DUOX1: variants seen among roughly 807,000 people sequenced by gnomAD.
DUOX1 encodes dual oxidase 1.
Under a neutral mutation model 181.8 loss-of-function variants are expected in DUOX1, and 134 were observed. The ratio of observed to expected loss-of-function variants is 0.74; its 90% CI spans 0.64 to 0.85. DUOX1 has a LOEUF of 0.85. DUOX1 is among the 40% of genes least tolerant of loss of function. DUOX1 has a pLI of 0.00. For missense variants in DUOX1, 1,814 were observed against 2,064.4 expected (o/e 0.88, Z 2.35); for synonymous variants, 798 against 832.5 (o/e 0.96, Z 0.71).
intron 28 of DUOX1, among the ~76,000 whole-genome samples, chr15:45,156,385 T>C (rs1253988018): frequency 2.0e-5 from 3 of 152,226 alleles, no homozygotes; most frequent in Non-Finnish European, 4.4e-5. Context: ...CTGTACAGTA[T>C]ATAAGCTTGT....
intron 28 of DUOX1, among the ~76,000 whole-genome samples, chr15:45,159,935 A>T (rs1897056533): frequency 6.6e-6 from 1 of 152,128 alleles, no homozygotes; most frequent in African/African-American, 2.4e-5. Context: ...TGGGCAAATC[A>T]TTCGAGGTCA....
chr15:45,163,969 G>A lies in DUOX1; in HGVS notation c.4533+51G>A, dbSNP rs766130805. ...TCTTCCTCTTTATCATTTGGGGTCT[G>A]AGCAAAGCTCCCAAACCTTCCCCAT... is the stretch of plus-strand genomic sequence containing the variant. On this transcript the variant is annotated intron_variant, in intron 33 of 33. Coordinates refer to ENST00000389037, the MANE Select transcript of DUOX1 (RefSeq NM_175940.3). 2.2e-5 allele frequency: 35 copies of A among 1,593,206 alleles called. 1 individual carries two copies. The South Asian group carries it at 3.8e-4, about 17-fold the overall frequency.
chr15:45,161,613 T>G, intron 29 of DUOX1, 125 bp from the exon 30 acceptor site: 1 of 846,812 alleles, frequency 1.2e-6, no homozygotes, highest in Non-Finnish European at 1.9e-6. Flanking sequence ...GGTGAGCTTC[T>G]GATGGGGGAG....
Position 45,150,040 on chromosome 15 carries a change from T to C in DUOX1, c.2819-592T>C, listed in dbSNP as rs1295515685. Among the ~76,000 whole-genome samples the C allele has an allele frequency of 4.6e-5, 7 of 152,252 alleles. No individual in the cohort carries two copies. The East Asian group carries it at 1.3e-3, about 29-fold the overall frequency. ...GACCAGGGTCATCTTCAGGCTTGGT[T>C]CAGCACTTGGAAGAAACCCAGAGAT... On this transcript the variant is annotated intron_variant, in intron 21 of 33. Transcript: ENST00000389037.
At chr15:45,159,969 T>A (rs1453642881) in intron 28 of DUOX1, among the ~76,000 whole-genome samples, 2 of 152,108 alleles carry the variant, frequency 1.3e-5, no homozygotes, top group Non-Finnish European at 2.9e-5. Context: ...CTGGCCAACA[T>A]GGTGAAACCC....
chr15:45,150,458 C>T (rs1262287884), intron 21 of DUOX1, 174 bp from the exon 22 acceptor site: 2 of 622,106 alleles, frequency 3.2e-6, no homozygotes, highest in Non-Finnish European at 5.6e-6. Context: ...ATGGCTGGGT[C>T]CAGCTCCCAT....
In DUOX1 at chr15:45,144,895, G is replaced by A. The variant is rs768261181; in HGVS notation, c.2137G>A (p.Val713Met). 10 of 1,608,050 alleles carry A rather than the reference G, an allele frequency of 6.2e-6. No homozygotes were observed. The highest frequency in any genetic ancestry group is 5.1e-5 in the Admixed American group (3 of 59,334). The stretch of plus-strand genomic sequence containing the variant: ...GCTTTTGCTCGGGCTGCCCCCTTAG[G>A]TGCTGCTGTTTAACTTGGAGGAAGA... ...LLKIPKEYDL[V>M]LLFNLEEERQ... Residue 713 changes from valine to methionine, a missense_variant and splice_region_variant, in exon 18 of 34, where the codon GTG becomes ATG. Val to Met is a conservative substitution (Grantham distance 21). Coordinates refer to ENST00000389037, the MANE Select transcript of DUOX1 (RefSeq NM_175940.3).
chr15:45,140,854 G>A, intron 12 of DUOX1, 41 bp from the exon 13 acceptor site: 1 of 1,604,402 alleles, frequency 6.2e-7, no homozygotes, highest in Non-Finnish European at 8.5e-7. Context: ...TAGGGTGGGT[G>A]CCGTGTCCTT....
intron 9 of DUOX1, among the ~76,000 whole-genome samples, 190 bp from the exon 10 acceptor site, chr15:45,137,734 T>G (rs186803936): frequency 1.4e-4 from 22 of 152,182 alleles, no homozygotes; most frequent in Admixed American, 1.4e-3. Flanking sequence ...ATTTTAGATA[T>G]TTGGTCTGAT....
intron 20 of DUOX1, 45 bp from the exon 21 acceptor site, chr15:45,148,227 G>A (rs765727231): frequency 7.4e-6 from 12 of 1,610,868 alleles, no homozygotes; most frequent in East Asian, 6.7e-5. Flanking sequence ...TGTCTGGGTC[G>A]CAGGCCCCAG....
chr15:45,134,349 C>T (rs756337588), intron 4 of DUOX1, 40 bp downstream of exon 4: 12 of 1,553,142 alleles, frequency 7.7e-6, no homozygotes, highest in East Asian at 2.3e-5. Context: ...CCGGTGGGGT[C>T]GGCTGGACAC....
At chr15:45,148,725 G>T (rs1205248943) in intron 21 of DUOX1, among the ~76,000 whole-genome samples, 1 of 152,160 alleles carries the variant, frequency 6.6e-6, no homozygotes. Context: ...TCATAATGCA[G>T]CTCTGCTGGT....
intron 28 of DUOX1, among the ~76,000 whole-genome samples, chr15:45,156,885 TTC>T (rs1896981691): frequency 6.6e-6 from 1 of 152,312 alleles, no homozygotes; most frequent in East Asian, 1.9e-4. Context: ...CCCGAGCTGA[TTC>T]TGTGTCCCTG....
intron 28 of DUOX1, among the ~76,000 whole-genome samples, chr15:45,158,885 A>G (rs755440172): frequency 6.6e-6 from 1 of 152,150 alleles, no homozygotes; most frequent in Non-Finnish European, 1.5e-5. Flanking sequence ...AACACTTGAT[A>G]TAGGATTAAT....
At position 45,140,752 on chromosome 15, in the gene DUOX1, G is replaced by A. The variant is rs1045739962; in HGVS notation, c.1390-143G>A. On this transcript the variant is annotated intron_variant, in intron 12 of 33. Coordinates refer to ENST00000389037, the MANE Select transcript of DUOX1 (RefSeq NM_175940.3). The stretch of plus-strand genomic sequence containing the variant: ...TAAAACACTCAGAGAAGTGCCTGGG[G>A]CATAATAAGCACTGTATAGGAGTGA... The A allele has an allele frequency of 5.5e-5, 41 of 741,552 alleles. No homozygotes were observed. The African/African-American group carries it at 7.2e-4, about 13-fold the overall frequency. 45.9% of individuals were successfully genotyped at this position (741,552 alleles called of 1,614,324 possible).
At chr15:45,131,453 G>C (rs932651307) in intron 1 of DUOX1, 1 of 163,932 alleles carries the variant, frequency 6.1e-6, no homozygotes, top group African/African-American at 2.4e-5. Context: ...AACAGTTCAG[G>C]CATATTTGCT....
rs200124144 is a variant in DUOX1 at position 45,135,558 on chromosome 15, A to G, written c.580A>G (p.Arg194Gly). The G allele has an allele frequency of 9.5e-3, 14,754 of 1,555,880 alleles. 114 individuals carry two copies. The highest frequency in any genetic ancestry group is 0.012 in the Non-Finnish European group (13,238 of 1,149,650). ...GAGCGACGCGCTGCGGAGCTTCTCC[A>G]GGGGACAGCTGGCGTCGGGGCCCGA... ...SWSDALRSFS[R>G]GQLASGPDPA... Residue 194 changes from arginine (R) to glycine (G), a missense_variant, in exon 6 of 34, where the codon AGG becomes GGG. By Grantham distance (125) the Arg-to-Gly change is moderately radical. Coordinates refer to ENST00000389037, the MANE Select transcript of DUOX1 (RefSeq NM_175940.3).
At position 45,134,357 on chromosome 15, in the gene DUOX1, C is replaced by T. The variant is rs753887718; in HGVS notation, c.307+48C>T. ...AAGGAAGCCGGTGGGGTCGGCTGGA[C>T]ACCTCTGCATGTGAAGAGGGGTCAG... On this transcript the variant is annotated intron_variant, in intron 4 of 33. Transcript: ENST00000389037. 1.9e-6 allele frequency: 3 copies of T among 1,545,150 alleles called. No homozygotes were observed. The Admixed American group carries it at 6.1e-5, about 32-fold the overall frequency.
intron 25 of DUOX1, chr15:45,152,873 G>A (rs1251960754): frequency 2.3e-5 from 9 of 398,970 alleles, no homozygotes; most frequent in Middle Eastern, 7.8e-4. Context: ...ACATGGTTGC[G>A]CACATGGATG....
Sources: gnomAD v4.1 joint callset for allele counts (sites outside exome capture counted in the v4.1 genomes callset) on GRCh38, gnomAD v4.1.1 for gene constraint, MANE v1.5 for transcripts, NCBI Gene and HGNC (gene_info 2026-07-23, HGNC 2026-07-21) for gene names.